NBAS: variants seen among roughly 807,000 people sequenced by gnomAD.
NBAS encodes NBAS subunit of NRZ tethering complex.
Under a neutral mutation model 302.5 loss-of-function variants are expected in NBAS, and 219 were observed. The ratio of observed to expected loss-of-function variants is 0.72; its 90% CI spans 0.65 to 0.81. The LOEUF (loss-of-function observed/expected upper bound fraction) is 0.81. NBAS is among the 30% of genes least tolerant of loss of function. NBAS has a pLI of 0.00. For missense variants in NBAS, 2,932 were observed against 2,841.6 expected (o/e 1.03, Z -0.72); for synonymous variants, 1,118 against 1,021.6 (o/e 1.09, Z -1.80).
the NBAS span, among the ~76,000 whole-genome samples, chr2:14,912,747 T>A: frequency 1.1e-4 from 16 of 146,470 alleles, no homozygotes; most frequent in South Asian, 3.3e-3. Flanking sequence ...CTTTAACAAG[T>A]GAATTTAGAG....
At chr2:15,431,547 C>A (rs943101149) in intron 21 of NBAS, among the ~76,000 whole-genome samples, 3 of 151,798 alleles carry the variant, frequency 2.0e-5, no homozygotes, top group Non-Finnish European at 4.4e-5. Flanking sequence ...TTAGCAGACT[C>A]AAAAAACTAT....
chr2:14,937,590 C>T, the NBAS span, among the ~76,000 whole-genome samples: 4 of 152,098 alleles, frequency 2.6e-5, no homozygotes, highest in African/African-American at 9.7e-5. Flanking sequence ...CATTGGGAAA[C>T]ATCCTATTTT....
chr2:15,191,369 C>T (rs767666905), intron 48 of NBAS, among the ~76,000 whole-genome samples: 2 of 152,180 alleles, frequency 1.3e-5, no homozygotes, highest in Non-Finnish European at 2.9e-5. Flanking sequence ...ACCATGAATT[C>T]TGCATTTTAC....
the NBAS span, among the ~76,000 whole-genome samples, chr2:14,968,027 G>C: frequency 1.2e-3 from 186 of 152,112 alleles, no homozygotes; most frequent in African/African-American, 4.2e-3. Flanking sequence ...CATAATAAAG[G>C]ACAAGCCAAT....
At chr2:15,508,262 G>A (rs115268249) in intron 10 of NBAS, among the ~76,000 whole-genome samples, 3,003 of 152,160 alleles carry the variant, frequency 0.02, 69 homozygotes, top group Admixed American at 0.065. Context: ...CTTCAATACC[G>A]AAGCCTCAGG....
chr2:15,175,158 G>T (rs1452167629), intron 51 of NBAS, among the ~76,000 whole-genome samples: 1 of 152,048 alleles, frequency 6.6e-6, no homozygotes, highest in Non-Finnish European at 1.5e-5. Context: ...AGTGGAGACG[G>T]GGTTTCACCG....
At chr2:14,875,366 T>A in the NBAS span, among the ~76,000 whole-genome samples, 1 of 152,124 alleles carries the variant, frequency 6.6e-6, no homozygotes, top group African/African-American at 2.4e-5. Flanking sequence ...AAGCCTGTAA[T>A]CCCAGCATTT....
At chr2:15,231,381 C>T (rs1484202350) in intron 47 of NBAS, among the ~76,000 whole-genome samples, 1 of 152,128 alleles carries the variant, frequency 6.6e-6, no homozygotes. Flanking sequence ...TGCACAAAGC[C>T]ATGCAGGGAA....
chr2:14,960,831 T>C, the NBAS span, among the ~76,000 whole-genome samples: 1 of 152,218 alleles, frequency 6.6e-6, no homozygotes, highest in African/African-American at 2.4e-5. Flanking sequence ...CATTGTTTCA[T>C]AGTCAATGAA....
the NBAS span, among the ~76,000 whole-genome samples, chr2:14,844,885 T>A: frequency 6.6e-6 from 1 of 152,204 alleles, no homozygotes; most frequent in Non-Finnish European, 1.5e-5. Flanking sequence ...TCAGCCACAG[T>A]AAAATAAAAT....
the NBAS span, among the ~76,000 whole-genome samples, chr2:14,842,846 C>CAAAAAAAAAAA: frequency 5.4e-5 from 4 of 74,048 alleles, no homozygotes; most frequent in East Asian, 4.3e-4. Context: ...CAGAAAATGA[C>CAAAAAAAAAAA]AAAAAAAAAA....
chr2:14,871,791 C>T, the NBAS span, among the ~76,000 whole-genome samples: 67 of 151,944 alleles, frequency 4.4e-4, no homozygotes, highest in African/African-American at 1.4e-3. Context: ...TTTAAAAATG[C>T]TCAATTCAAA....
In NBAS at chr2:15,439,310, A is replaced by G. The variant is rs1426245507; in HGVS notation, c.2340-11516T>C. On this transcript the variant is annotated intron_variant, in intron 21 of 51. Coordinates refer to ENST00000281513, the MANE Select transcript of NBAS (RefSeq NM_015909.4). The stretch of plus-strand genomic sequence containing the variant: ...GAGCAAGACTCGGTCTCAAATAAAA[A>G]AAAAAAAAAAAAAAAGAATATTACC... 4.0e-5 allele frequency among the ~76,000 whole-genome samples: 6 copies of G among 151,694 alleles called. 1 individual carries two copies. The South Asian group carries it at 1.0e-3, about 26-fold the overall frequency.
intron 44 of NBAS, among the ~76,000 whole-genome samples, chr2:15,258,164 T>G (rs115344742): frequency 2.8e-3 from 430 of 152,304 alleles, no homozygotes; most frequent in Admixed American, 4.4e-3. Context: ...TACTCATAAT[T>G]TCTTATGCCT....
the NBAS span, among the ~76,000 whole-genome samples, chr2:14,944,874 GCCCA>G: frequency 6.6e-6 from 1 of 152,070 alleles, no homozygotes; most frequent in South Asian, 2.1e-4. Context: ...AATGGTGATT[GCCCA>G]CCTGAATCTC....
intron 8 of NBAS, 138 bp from the exon 9 acceptor site, chr2:15,534,779 A>C: frequency 1.4e-6 from 1 of 711,378 alleles, no homozygotes; most frequent in South Asian, 1.5e-5. Context: ...CAGAACTCGA[A>C]TACGTCACAA....
intron 21 of NBAS, among the ~76,000 whole-genome samples, chr2:15,441,282 A>C (rs1678386077): frequency 6.6e-6 from 1 of 152,232 alleles, no homozygotes; most frequent in South Asian, 2.1e-4. Context: ...CACAAAGGGA[A>C]GCCCATCAGA....
the NBAS span, among the ~76,000 whole-genome samples, chr2:14,903,342 G>A: frequency 9.6e-4 from 121 of 125,414 alleles, 1 homozygote; most frequent in African/African-American, 3.1e-3. Flanking sequence ...AAAAAAAAAA[G>A]AAAGAAACAT....
intron 44 of NBAS, among the ~76,000 whole-genome samples, chr2:15,261,408 A>T (rs1668846761): frequency 6.6e-6 from 1 of 152,208 alleles, no homozygotes; most frequent in African/African-American, 2.4e-5. Context: ...AGCTAATAAA[A>T]TATTCAAACA....
Sources: allele counts gnomAD v4.1 joint callset (sites outside exome capture counted in the v4.1 genomes callset), GRCh38; gene constraint gnomAD v4.1.1; transcripts MANE v1.5; gene names NCBI Gene and HGNC (gene_info 2026-07-23, HGNC 2026-07-21).